The following SGSM2 variants were observed in gnomAD, a reference collection of about 807,000 sequenced individuals.
SGSM2 encodes the protein small G protein signaling modulator 2, also known as RUN and TBC1 domain containing 1.
SGSM2 carries 89 observed loss-of-function variants against 126.6 expected under a neutral mutation model. That is an observed-to-expected ratio of 0.70 (90% confidence interval 0.59 to 0.84). The LOEUF (loss-of-function observed/expected upper bound fraction) is 0.84. SGSM2 is among the 40% of genes least tolerant of loss of function. SGSM2 has a pLI of 0.00. For synonymous variants in SGSM2, 614 were observed against 574.3 expected (o/e 1.07, Z -0.99); for missense variants, 1,404 against 1,416.6 (o/e 0.99, Z 0.14).
Position 2,376,745 on chromosome 17 carries a change from G to A in SGSM2, c.2622G>A (p.Glu874=), listed in dbSNP as rs1372288339. The A allele has an allele frequency of 2.5e-6, 4 of 1,613,922 alleles. No homozygotes were observed. Among genetic ancestry groups the A allele is most frequent in the African/African-American group, 2.7e-5 (2 of 74,942 alleles). ...CCCTGCCTTTCAGCTACGTGTGGGAGCACCTGGACGTGGGCTATGTGCAGG... is the reference window on the plus strand; with the variant it reads ...CCCTGCCTTTCAGCTACGTGTGGGAACACCTGGACGTGGGCTATGTGCAGG... ...LRDVMCSYVW[E]HLDVGYVQGM... Residue 874 remains glutamate, a synonymous_variant, in exon 20 of 24, where the codon GAG becomes GAA. Coordinates refer to ENST00000268989, the MANE Select transcript of SGSM2 (RefSeq NM_014853.3).
At chr17:2,376,533 TCTCC>T in intron 19 of SGSM2, 196 bp from the exon 20 acceptor site, 2 of 690,164 alleles carry the variant, frequency 2.9e-6, no homozygotes, top group Non-Finnish European at 4.9e-6. Context: ...CGGCCTTGGC[TCTCC>T]CTAAGTCGGA....
intron 23 of SGSM2, 77 bp from the exon 24 acceptor site, chr17:2,379,355 G>A: frequency 6.4e-7 from 1 of 1,567,222 alleles, no homozygotes; most frequent in Non-Finnish European, 8.7e-7. Context: ...GATGGAAACA[G>A]AGCAGGGTAG....
At chr17:2,371,119 G>A in intron 12 of SGSM2, 143 bp from the exon 13 acceptor site, 3 of 917,768 alleles carry the variant, frequency 3.3e-6, no homozygotes, top group South Asian at 1.8e-5. Context: ...TCTGGGCTCT[G>A]GACCAGGCAG....
chr17:2,360,092 C>T (rs2065249440), intron 2 of SGSM2, among the ~76,000 whole-genome samples: 1 of 152,190 alleles, frequency 6.6e-6, no homozygotes, highest in South Asian at 2.1e-4. Context: ...CCTGTAATCC[C>T]AGCACTTTGA....
rs1371226065 is a variant in SGSM2, at chr17:2,363,091, C to A, written c.629C>A (p.Pro210Gln). 1 of 1,612,670 alleles carries A rather than the reference C, an allele frequency of 6.2e-7. No individual in the cohort carries two copies. Among genetic ancestry groups the A allele is most frequent in the Non-Finnish European group, 8.5e-7 (1 of 1,179,702 alleles). ...GTCCAGCGGCACCGCATCCGGGGTC[C>A]ACCTACTCGCCAGGACTCCCCTGCA... ...ELVQRHRIRGPPTRQDSPAKR... is the reference protein window; with the variant it reads ...ELVQRHRIRGQPTRQDSPAKR... The change falls in exon 6 of 24, where the codon CCA (proline) becomes CAA (glutamine). Residue 210 changes from proline (P) to glutamine (Q), a missense_variant. Physicochemically the swap from Pro to Gln is moderately conservative, Grantham distance 76 (BLOSUM62 -1). Transcript: ENST00000268989. The surrounding 1 kb of genome is among the most constrained non-coding windows in gnomAD (Gnocchi z 4.2).
intron 2 of SGSM2, among the ~76,000 whole-genome samples, chr17:2,352,923 G>T (rs1240842837): frequency 2.8e-5 from 4 of 141,854 alleles, no homozygotes; most frequent in African/African-American, 8.1e-5. Context: ...GACTACAGGC[G>T]TCCGCCACCA....
At chr17:2,345,181 G>T (rs1209571874) in intron 2 of SGSM2, among the ~76,000 whole-genome samples, 1 of 152,112 alleles carries the variant, frequency 6.6e-6, no homozygotes, top group African/African-American at 2.4e-5. Flanking sequence ...TAGAATTCTC[G>T]GCCGGGCACA....
chr17:2,352,332 G>T (rs561412338), intron 2 of SGSM2, among the ~76,000 whole-genome samples: 14 of 152,304 alleles, frequency 9.2e-5, no homozygotes, highest in African/African-American at 3.4e-4. Flanking sequence ...GGTCCAGAAT[G>T]GACTACCTGA....
rs545281629 is a variant in SGSM2 at position 2,372,941 on chromosome 17, C to A, written c.1789-12C>A. ...TGGAGGCTGCACAGTCTTGACTCCC[C>A]GGGTCCCTCAGAACTACAAAGAGCT... On this transcript the variant is annotated splice_polypyrimidine_tract_variant and intron_variant, in intron 15 of 23. Transcript: ENST00000268989. This position sits in a 1 kb window ranked among gnomAD's most constrained non-coding sequence, Gnocchi z 6.0. 152 of 1,556,268 alleles carry A rather than the reference C, an allele frequency of 9.8e-5. No homozygotes were observed. The South Asian group carries it at 1.7e-3, about 18-fold the overall frequency.
At position 2,367,401 on chromosome 17, in the gene SGSM2, G is replaced by A; in HGVS notation, c.1419G>A (p.Met473Ile). 1 of 1,613,546 alleles carries A rather than the reference G, an allele frequency of 6.2e-7. No individual in the cohort carries two copies. Reference protein sequence around the residue: ...CSRNLTAPNPMKDAGDMIEMQ... With the variant: ...CSRNLTAPNPIKDAGDMIEMQ... ...GGAACCTCACAGCTCCCAATCCGAT[G>A]AAAGGTTCTTATCCCTCCCTCTCCC... Residue 473 changes from methionine (M) to isoleucine (I), a missense_variant, in exon 12 of 24, where the codon ATG becomes ATA. Physicochemically the swap from Met to Ile is conservative, Grantham distance 10 (BLOSUM62 1). Transcript: ENST00000268989. This position sits in a 1 kb window ranked among gnomAD's most constrained non-coding sequence, Gnocchi z 4.0.
chr17:2,341,124 G>T (rs529924637), intron 1 of SGSM2, among the ~76,000 whole-genome samples: 282 of 150,130 alleles, frequency 1.9e-3, no homozygotes, highest in Admixed American at 3.5e-3. Flanking sequence ...AGTTTTTTTT[G>T]TTTGTTTGTT....
At chr17:2,348,373 A>C (rs893763926) in intron 2 of SGSM2, among the ~76,000 whole-genome samples, 11 of 152,160 alleles carry the variant, frequency 7.2e-5, no homozygotes, top group Non-Finnish European at 1.6e-4. Flanking sequence ...TGAGCAAAAA[A>C]GACCCCATCG....
intron 1 of SGSM2, among the ~76,000 whole-genome samples, chr17:2,340,397 C>T (rs969009066): frequency 6.6e-6 from 1 of 151,970 alleles, no homozygotes; most frequent in African/African-American, 2.4e-5. Context: ...CCACTGCGAC[C>T]GCCAGGAAAT....
At chr17:2,357,588 C>A in intron 2 of SGSM2, among the ~76,000 whole-genome samples, 1 of 152,204 alleles carries the variant, frequency 6.6e-6, no homozygotes, top group East Asian at 1.9e-4. Context: ...ACCTTTGCTT[C>A]CCAGGTTCAA....
chr17:2,363,300 G>A lies in SGSM2; in HGVS notation c.673-165G>A, dbSNP rs886441787. On this transcript the variant is annotated intron_variant, in intron 6 of 23. Coordinates refer to ENST00000268989, the MANE Select transcript of SGSM2 (RefSeq NM_014853.3). This position sits in a 1 kb window ranked among gnomAD's most constrained non-coding sequence, Gnocchi z 4.2. ...ATAAAACTTAACACAAATGCCGGGAGCCCATGCTGGTCCGTGGCTGGAGAG... is the reference window on the plus strand; with the variant it reads ...ATAAAACTTAACACAAATGCCGGGAACCCATGCTGGTCCGTGGCTGGAGAG... 2.4e-4 allele frequency among the ~76,000 whole-genome samples: 36 copies of A among 152,248 alleles called. No homozygotes were observed. Among genetic ancestry groups the A allele is most frequent in the Non-Finnish European group, 4.4e-5 (3 of 68,040 alleles).
intron 2 of SGSM2, among the ~76,000 whole-genome samples, chr17:2,358,654 G>A (rs1269720349): frequency 6.6e-6 from 1 of 152,142 alleles, no homozygotes; most frequent in Non-Finnish European, 1.5e-5. Context: ...TGAGACTGCA[G>A]TGAGCTGTGG....
chr17:2,354,452 G>A (rs1039294518), intron 2 of SGSM2, among the ~76,000 whole-genome samples: 9 of 152,144 alleles, frequency 5.9e-5, no homozygotes, highest in Admixed American at 5.2e-4. Context: ...TGCTGTTGGC[G>A]AGCTTTCCAT....
chr17:2,337,800 G>T lies in SGSM2; in HGVS notation c.57+55G>T. ...TCGCGCCCTGGCCCGCGCGGCCCAG[G>T]GGGCAGAAAGGTCCGCGCCCACCCC... On this transcript the variant is annotated intron_variant, in intron 1 of 23. Transcript: ENST00000268989. The surrounding 1 kb of genome is among the most constrained non-coding windows in gnomAD (Gnocchi z 5.1). 1 of 1,373,114 alleles carries T rather than the reference G, an allele frequency of 7.3e-7. No homozygotes were observed. The highest frequency in any genetic ancestry group is 9.7e-7 in the Non-Finnish European group (1 of 1,028,684). The allele number at this position is 1,373,114 out of a possible 1,614,324, so 85.1% of individuals were successfully genotyped here.
At chr17:2,377,724 C>CA (rs1312263291) in intron 21 of SGSM2, 133 bp from the exon 22 acceptor site, 1 of 659,752 alleles carries the variant, frequency 1.5e-6, no homozygotes, top group African/African-American at 1.8e-5. Context: ...CACCGCGCAG[C>CA]ACAGGGCAAC....
Sources: gnomAD v4.1 joint callset for allele counts (sites outside exome capture counted in the v4.1 genomes callset) on GRCh38, gnomAD v4.1.1 for gene constraint, Gnocchi (gnomAD v3.1) non-coding constraint, MANE v1.5 for transcripts, NCBI Gene and HGNC (gene_info 2026-07-23, HGNC 2026-07-21) for gene names.